RFX7: variants seen among roughly 807,000 people sequenced by gnomAD.
RFX7 encodes regulatory factor X7.
A neutral mutation model predicts 111.8 loss-of-function variants in RFX7; 26 were observed. The ratio of observed to expected loss-of-function variants is 0.23; its 90% CI spans 0.17 to 0.32. The LOEUF (loss-of-function observed/expected upper bound fraction) is 0.32. Ranked by LOEUF, RFX7 falls within the 10% of genes least tolerant of loss-of-function variation. The pLI, the probability that RFX7 is intolerant of heterozygous loss-of-function variation, is 1.00. For missense variants in RFX7, 1,573 were observed against 1,772.9 expected, an observed-to-expected ratio of 0.89 and a Z score of 2.02; for synonymous variants, 624 against 624.4, an observed-to-expected ratio of 1.00 and a Z score of 0.01.
chr15:56,098,988 A>G (rs2041718564), intron 8 of RFX7, among the ~76,000 whole-genome samples: 1 of 152,252 alleles, frequency 6.6e-6, no homozygotes, highest in Non-Finnish European at 1.5e-5. Context: ...ATTTCTTAAC[A>G]AGACTAAAGT....
chr15:56,187,485 G>C (rs1296707491), intron 2 of RFX7, among the ~76,000 whole-genome samples: 1 of 152,068 alleles, frequency 6.6e-6, no homozygotes, highest in Non-Finnish European at 1.5e-5. Context: ...TGCACTAGTA[G>C]AATTTTTATA....
chr15:56,124,540 A>T (rs2042118383), intron 5 of RFX7, among the ~76,000 whole-genome samples: 1 of 152,126 alleles, frequency 6.6e-6, no homozygotes, highest in Admixed American at 6.5e-5. Context: ...TGTCTTTCTG[A>T]AAGTAGCTAT....
Position 56,174,691 on chromosome 15 carries a change from G to A in RFX7, c.195+4579C>T, listed in dbSNP as rs138838523. 1.0e-3 allele frequency among the ~76,000 whole-genome samples: 155 copies of A among 152,228 alleles called. No homozygotes were observed. In the East Asian group the frequency reaches 0.013, roughly 13 times the overall value. ...GAACCTGGGAGACAGAAGTTGCAGT[G>A]AGCCGAGATTGCACCACTGCACTAA... On this transcript the variant is annotated intron_variant, in intron 3 of 9. Transcript: ENST00000559447.
chr15:56,098,652 T>A (rs955098995), intron 8 of RFX7, among the ~76,000 whole-genome samples: 4 of 152,226 alleles, frequency 2.6e-5, no homozygotes, highest in Non-Finnish European at 5.9e-5. Flanking sequence ...AACAGGATTT[T>A]AAAAACCGTA....
Position 56,095,727 on chromosome 15 carries a change from G to C in RFX7, c.2001C>G (p.Thr667=). Residue 667 remains threonine, a synonymous_variant, in exon 10 of 10, where the codon ACC becomes ACG. Transcript: ENST00000559447. ...TTGGTTTCTTTACAGGAGGCACCTG[G>C]GTCTCCTGCAATGTAGAAGACAGTC... ...RKRLSSTLQE[T]QVPPVKKPIV... 6.2e-7 allele frequency: 1 copy of C among 1,613,868 alleles called. No homozygotes were observed. Among genetic ancestry groups the C allele is most frequent in the Non-Finnish European group, 8.5e-7 (1 of 1,179,822 alleles).
intron 3 of RFX7, among the ~76,000 whole-genome samples, chr15:56,178,817 T>C (rs140997197): frequency 8.5e-5 from 13 of 152,278 alleles, no homozygotes; most frequent in African/African-American, 2.4e-4. Flanking sequence ...AAACAAATTT[T>C]TACAATTCTA....
Position 56,096,198 on chromosome 15 carries a change from C to A in RFX7, c.1530G>T (p.Gln510His), listed in dbSNP as rs2041674859. 6.2e-7 allele frequency: 1 copy of A among 1,613,836 alleles called. No homozygotes were observed. The highest frequency in any genetic ancestry group is 1.3e-5 in the African/African-American group (1 of 74,918). Reference protein sequence around the residue: ...GTTEESRSVPQIKNGSVVSLQ... With the variant: ...GTTEESRSVPHIKNGSVVSLQ... ...GCGACACGACAGAACCATTCTTGAT[C>A]TGTGGAACACTCCTTGATTCTTCTG... is the stretch of plus-strand genomic sequence containing the variant. The change falls in exon 10 of 10, where the codon CAG becomes CAT. Residue 510 changes from glutamine (Q) to histidine (H), a missense_variant. By Grantham distance (24) the Gln-to-His change is conservative. Coordinates refer to ENST00000559447, the MANE Select transcript of RFX7 (RefSeq NM_022841.7).
At chr15:56,150,851 AC>A (rs2042559756) in intron 3 of RFX7, among the ~76,000 whole-genome samples, 1 of 152,178 alleles carries the variant, frequency 6.6e-6, no homozygotes, top group Admixed American at 6.5e-5. Context: ...AACTAGAATA[AC>A]CAAGGTAGAG....
At chr15:56,124,612 AT>A (rs2042119516) in intron 5 of RFX7, among the ~76,000 whole-genome samples, 2 of 152,270 alleles carry the variant, frequency 1.3e-5, no homozygotes, top group South Asian at 4.1e-4. Flanking sequence ...ATGATTAGTG[AT>A]GTTGAGCATT....
At chr15:56,136,225 A>G (rs1285945102) in intron 5 of RFX7, among the ~76,000 whole-genome samples, 1 of 148,038 alleles carries the variant, frequency 6.8e-6, no homozygotes, top group African/African-American at 2.5e-5. Context: ...CATTTTCACG[A>G]TATTGATTCT....
intron 2 of RFX7, among the ~76,000 whole-genome samples, chr15:56,195,272 C>T (rs2043137101): frequency 6.6e-6 from 1 of 152,000 alleles, no homozygotes; most frequent in Non-Finnish European, 1.5e-5. Flanking sequence ...AGAGTGACTG[C>T]TTAATGCATA....
Position 56,239,734 on chromosome 15 carries a change from G to A in RFX7, c.161+3391C>T, listed in dbSNP as rs538988929. Among the ~76,000 whole-genome samples the A allele has an allele frequency of 2.0e-5, 3 of 152,150 alleles. No homozygotes were observed. The South Asian group carries it at 6.2e-4, about 32-fold the overall frequency. On this transcript the variant is annotated intron_variant, in intron 2 of 9. Coordinates refer to ENST00000559447, the MANE Select transcript of RFX7 (RefSeq NM_022841.7). ...ATGATCAACCTGTATCTATGTTACA[G>A]CCTCACTGCAAATATGTTATTCACT...
intron 5 of RFX7, among the ~76,000 whole-genome samples, chr15:56,138,190 G>C (rs1433218561): frequency 3.2e-5 from 4 of 125,356 alleles, no homozygotes; most frequent in African/African-American, 1.2e-4. Flanking sequence ...CTGTCTCATT[G>C]ATCTGTCTAA....
intron 2 of RFX7, among the ~76,000 whole-genome samples, chr15:56,208,158 G>T (rs1279287502): frequency 6.6e-6 from 1 of 152,178 alleles, no homozygotes; most frequent in East Asian, 1.9e-4. Flanking sequence ...AAGGGAAGGA[G>T]AAAAGGAATC....
Position 56,103,671 on chromosome 15 carries a change from C to A in RFX7, c.402-1G>T. 6.4e-7 allele frequency: 1 copy of A among 1,571,456 alleles called. No individual in the cohort carries two copies. Among genetic ancestry groups the A allele is most frequent in the East Asian group, 2.3e-5 (1 of 43,954 alleles). ...GTAACCAAGATTGTCACAATAGCTC[C>A]TGCAAAAGAAGGAAGGACCAATTTA... On this transcript the variant is annotated splice_acceptor_variant, in intron 5 of 9. Transcript: ENST00000559447. LOFTEE classifies it high-confidence loss of function.
intron 5 of RFX7, among the ~76,000 whole-genome samples, chr15:56,125,316 C>A (rs1359691755): frequency 2.0e-5 from 3 of 152,054 alleles, no homozygotes; most frequent in African/African-American, 7.2e-5. Context: ...TTGTGGTTAG[C>A]ATTTTTTGGC....
At chr15:56,217,145 TAC>T (rs1322564460) in intron 2 of RFX7, among the ~76,000 whole-genome samples, 2 of 152,226 alleles carry the variant, frequency 1.3e-5, no homozygotes, top group African/African-American at 2.4e-5. Context: ...TGTACTATAA[TAC>T]ATTCATTTTG....
chr15:56,171,614 T>C (rs1343335210), intron 3 of RFX7, among the ~76,000 whole-genome samples: 2 of 152,098 alleles, frequency 1.3e-5, no homozygotes, highest in Non-Finnish European at 2.9e-5. Flanking sequence ...GCTAACAACT[T>C]AGTTTTATCC....
intron 3 of RFX7, among the ~76,000 whole-genome samples, chr15:56,178,166 TACACAC>T (rs140828561): frequency 0.077 from 9,243 of 119,386 alleles, 362 homozygotes; most frequent in Non-Finnish European, 0.086. Flanking sequence ...ACCAAAAAAC[TACACAC>T]ACACACACAC....
Sources: allele counts gnomAD v4.1 joint callset (sites outside exome capture counted in the v4.1 genomes callset), GRCh38; gene constraint gnomAD v4.1.1; transcripts MANE v1.5; gene names NCBI Gene and HGNC (gene_info 2026-07-23, HGNC 2026-07-21).